Variants in WWOX observed in about 807,000 individuals in gnomAD.
WWOX encodes WW domain containing oxidoreductase, also known as WW domain-containing oxidoreductase.
A neutral mutation model predicts 46.2 loss-of-function variants in WWOX; 69 were observed. The ratio of observed to expected loss-of-function variants is 1.49; its 90% CI spans 1.23 to 1.82. The LOEUF is 1.82. WWOX is among the 40% of genes most tolerant of loss of function. The pLI is 0.00. For missense variants in WWOX, 919 were observed against 542.6 expected (o/e 1.69, Z -6.89); for synonymous variants, 359 against 202.6 (o/e 1.77, Z -6.56).
chr16:78,401,702 C>A (rs752913391), intron 6 of WWOX, among the ~76,000 whole-genome samples: 28 of 151,766 alleles, frequency 1.8e-4, no homozygotes, highest in Non-Finnish European at 5.9e-5. Flanking sequence ...AATACAATTC[C>A]TTTTTTCTTT....
chr16:78,743,578 C>G (rs2049280707), intron 8 of WWOX, among the ~76,000 whole-genome samples: 1 of 152,176 alleles, frequency 6.6e-6, no homozygotes, highest in South Asian at 2.1e-4. Flanking sequence ...CTTTCCACAA[C>G]TAAGTTATAA....
intron 8 of WWOX, among the ~76,000 whole-genome samples, chr16:78,741,844 G>C (rs971139027): frequency 6.6e-6 from 1 of 152,220 alleles, no homozygotes. Context: ...GGCAGAGTGA[G>C]ACGCTGTCTC....
At chr16:78,796,460 C>A (rs114854218) in intron 8 of WWOX, among the ~76,000 whole-genome samples, 1 of 152,226 alleles carries the variant, frequency 6.6e-6, no homozygotes, top group Non-Finnish European at 1.5e-5. Context: ...ATGATCACAA[C>A]CAACTGCAAG....
intron 6 of WWOX, among the ~76,000 whole-genome samples, chr16:78,422,030 T>C (rs2082945866): frequency 6.6e-6 from 1 of 152,158 alleles, no homozygotes; most frequent in South Asian, 2.1e-4. Context: ...TGATAGAAAA[T>C]ATTTTAATAT....
chr16:79,068,322 A>G (rs190434314), intron 8 of WWOX, among the ~76,000 whole-genome samples: 139 of 152,296 alleles, frequency 9.1e-4, no homozygotes, highest in African/African-American at 3.0e-3. Flanking sequence ...GGTGAGGACA[A>G]TTATGTCCCA....
In WWOX at chr16:78,583,491, G is replaced by A. The variant is rs151067189; in HGVS notation, c.1056+150739G>A. Among the ~76,000 whole-genome samples, 374 of 152,286 alleles carry A rather than the reference G, an allele frequency of 2.5e-3. 2 individuals are homozygous for A. The highest frequency in any genetic ancestry group is 8.5e-3 in the African/African-American group (352 of 41,558). Reference sequence around the variant, plus strand: ...ATTCTTTTTCTCTTTTCTCTGAAAAGCATCCCAGGTCATAAAATGTAATGT... The same window carrying A: ...ATTCTTTTTCTCTTTTCTCTGAAAAACATCCCAGGTCATAAAATGTAATGT... On this transcript the variant is annotated intron_variant, in intron 8 of 8. Transcript: ENST00000566780.
rs182594040 is a variant in WWOX, at chr16:78,711,957, T to A, written c.1056+279205T>A. 4.7e-3 allele frequency among the ~76,000 whole-genome samples: 720 copies of A among 152,196 alleles called. 1 individual carries two copies. Among genetic ancestry groups the A allele is most frequent in the Non-Finnish European group, 8.2e-3 (555 of 68,016 alleles). ...GGAAAGAGCATCTCTTTCAGGAGCT[T>A]CCCTCTTGGACATTAAATCTTCCAT... On this transcript the variant is annotated intron_variant, in intron 8 of 8. Coordinates refer to ENST00000566780, the MANE Select transcript of WWOX (RefSeq NM_016373.4).
In WWOX at chr16:79,069,297, G is replaced by A. The variant is rs143373035; in HGVS notation, c.1057-142311G>A. Among the ~76,000 whole-genome samples, 1,116 of 152,322 alleles carry A rather than the reference G, an allele frequency of 7.3e-3. 14 individuals are homozygous for A. Among genetic ancestry groups the A allele is most frequent in the Non-Finnish European group, 0.011 (752 of 68,032 alleles). On this transcript the variant is annotated intron_variant, in intron 8 of 8. Coordinates refer to ENST00000566780, the MANE Select transcript of WWOX (RefSeq NM_016373.4). ...TTCTCTTACGCACTCAGCGAAGGCC[G>A]TGTGGCTTCGCATTAATCACCACCA...
At chr16:79,179,678 C>A (rs1485738703) in intron 8 of WWOX, among the ~76,000 whole-genome samples, 1 of 152,212 alleles carries the variant, frequency 6.6e-6, no homozygotes, top group Admixed American at 6.5e-5. Flanking sequence ...ATTACCTGAT[C>A]TTTCTTTACC....
At chr16:78,477,210 C>G (rs1042509296) in intron 8 of WWOX, among the ~76,000 whole-genome samples, 1 of 152,090 alleles carries the variant, frequency 6.6e-6, no homozygotes, top group Non-Finnish European at 1.5e-5. Flanking sequence ...GACTATTTTT[C>G]AAATTGATTT....
In WWOX at chr16:78,729,892, T is replaced by C. The variant is rs141332440; in HGVS notation, c.1056+297140T>C. Among the ~76,000 whole-genome samples, 412 of 152,262 alleles carry C rather than the reference T, an allele frequency of 2.7e-3. 3 individuals carry two copies. Among genetic ancestry groups the C allele is most frequent in the African/African-American group, 9.6e-3 (397 of 41,570 alleles). The stretch of plus-strand genomic sequence containing the variant: ...GGTCCCAAACCCACAGGGCTCTATT[T>C]AGATTTAAACAAGACTATGAATGTA... On this transcript the variant is annotated intron_variant, in intron 8 of 8. Coordinates refer to ENST00000566780, the MANE Select transcript of WWOX (RefSeq NM_016373.4).
intron 8 of WWOX, among the ~76,000 whole-genome samples, chr16:79,006,016 C>G (rs547972333): frequency 8.0e-4 from 122 of 152,288 alleles, no homozygotes; most frequent in African/African-American, 2.9e-3. Context: ...CATTTGCGGT[C>G]ACCTCTTATG....
chr16:78,847,000 C>A (rs2052315175), intron 8 of WWOX, among the ~76,000 whole-genome samples: 1 of 152,198 alleles, frequency 6.6e-6, no homozygotes, highest in South Asian at 2.1e-4. Flanking sequence ...CCGGCTTTGG[C>A]CCATAGGAGG....
intron 8 of WWOX, among the ~76,000 whole-genome samples, chr16:78,583,329 C>G (rs977650144): frequency 6.6e-6 from 1 of 152,164 alleles, no homozygotes; most frequent in African/African-American, 2.4e-5. Context: ...TTGGCACTTC[C>G]AGAGTAATTC....
intron 5 of WWOX, among the ~76,000 whole-genome samples, chr16:78,208,535 A>G (rs747565473): frequency 1.1e-4 from 16 of 152,154 alleles, no homozygotes; most frequent in Non-Finnish European, 1.9e-4. Flanking sequence ...TGTCTTTATT[A>G]ATTTTGTCAT....
At chr16:78,807,323 A>G (rs1162019230) in intron 8 of WWOX, among the ~76,000 whole-genome samples, 2 of 152,240 alleles carry the variant, frequency 1.3e-5, no homozygotes, top group Non-Finnish European at 2.9e-5. Flanking sequence ...GTGTTTACAG[A>G]TGCCAGTGAC....
intron 8 of WWOX, among the ~76,000 whole-genome samples, chr16:78,610,106 G>A (rs1480102186): frequency 1.3e-5 from 2 of 152,200 alleles, no homozygotes; most frequent in Non-Finnish European, 1.5e-5. Context: ...TCTGTGGCAA[G>A]GTCCCTGCTT....
intron 8 of WWOX, among the ~76,000 whole-genome samples, chr16:78,831,840 C>G (rs1210882242): frequency 1.3e-5 from 2 of 152,176 alleles, no homozygotes; most frequent in Non-Finnish European, 2.9e-5. Context: ...AGAGTACAGT[C>G]TCTTAGGAGA....
chr16:78,759,800 A>C (rs2049746244), intron 8 of WWOX, among the ~76,000 whole-genome samples: 2 of 152,180 alleles, frequency 1.3e-5, no homozygotes, highest in Admixed American at 1.3e-4. Flanking sequence ...TTCGCTCCAG[A>C]GTGAGTTTTA....
Sources: allele counts gnomAD v4.1 joint callset (sites outside exome capture counted in the v4.1 genomes callset), GRCh38; gene constraint gnomAD v4.1.1; transcripts MANE v1.5; gene names NCBI Gene and HGNC (gene_info 2026-07-23, HGNC 2026-07-21).